CUL2: variants seen among roughly 807,000 people sequenced by gnomAD.
CUL2 encodes cullin-2.
Under a neutral mutation model 110.2 loss-of-function variants are expected in CUL2, and 22 were observed. The ratio of observed to expected loss-of-function variants is 0.20; its 90% CI spans 0.14 to 0.28. CUL2 has a LOEUF of 0.28. CUL2 is among the 10% of genes least tolerant of loss of function. The pLI is 1.00. For missense variants in CUL2, 631 were observed against 905.5 expected (o/e 0.70, Z 3.89); for synonymous variants, 279 against 293.2 (o/e 0.95, Z 0.49).
intron 17 of CUL2, among the ~76,000 whole-genome samples, chr10:35,022,906 G>C (rs966844572): frequency 1.3e-4 from 20 of 152,110 alleles, no homozygotes; most frequent in African/African-American, 4.6e-4. Context: ...TTAGCTGGGA[G>C]TGGTAGTGTG....
At chr10:35,095,137 T>C (rs894211704), upstream of CUL2, among the ~76,000 whole-genome samples, 2 of 152,022 alleles carry the variant, frequency 1.3e-5, no homozygotes, top group Middle Eastern at 3.4e-3. Flanking sequence ...GCCTGGCCAA[T>C]ATGGTAAAAC....
chr10:35,098,741 G>A (rs1007025678), intron 2 of CUL2, among the ~76,000 whole-genome samples: 2 of 151,708 alleles, frequency 1.3e-5, no homozygotes, highest in African/African-American at 4.8e-5. Context: ...GACCAACCTG[G>A]CCAACATGGC....
intron 14 of CUL2, among the ~76,000 whole-genome samples, chr10:35,030,629 T>C (rs536874013): frequency 1.3e-4 from 20 of 152,294 alleles, no homozygotes; most frequent in African/African-American, 4.8e-4. Context: ...ACAATCTACA[T>C]GCCTTGGCCT....
intron 1 of CUL2, among the ~76,000 whole-genome samples, chr10:35,072,368 T>G (rs1283997941): frequency 6.8e-6 from 1 of 147,646 alleles, no homozygotes; most frequent in African/African-American, 2.5e-5. Flanking sequence ...GTGAACTTAA[T>G]GGGCTTTTTT....
At chr10:35,090,681 T>G (rs2087189668), upstream of CUL2, 1 of 152,318 alleles carries the variant, frequency 6.6e-6, no homozygotes, top group South Asian at 2.1e-4. Flanking sequence ...GGAGCCAAGC[T>G]TCGTGTGATT....
intron 5 of CUL2, among the ~76,000 whole-genome samples, chr10:35,052,476 G>C (rs868444755): frequency 6.6e-6 from 1 of 152,090 alleles, no homozygotes; most frequent in Admixed American, 6.5e-5. Context: ...AACTCCATGA[G>C]CATAAGATTT....
chr10:35,061,094 C>T lies in CUL2; in HGVS notation c.223-126G>A. The T allele has an allele frequency of 2.9e-6, 3 of 1,021,528 alleles. No homozygotes were observed. In the South Asian group the frequency reaches 5.1e-5, roughly 18 times the overall value. 63.3% of individuals were successfully genotyped at this position (1,021,528 alleles called of 1,614,324 possible). A position where few individuals can be genotyped will look rare whatever the true frequency, so the allele number is the denominator to read the frequency against. On this transcript the variant is annotated intron_variant, in intron 3 of 20. Coordinates refer to ENST00000374749, the MANE Select transcript of CUL2 (RefSeq NM_003591.4). Reference sequence around the variant, plus strand: ...ATTCTAGCTGTACAAATTACATTTACACAACACATATTAACTACACGTATT... The same window carrying T: ...ATTCTAGCTGTACAAATTACATTTATACAACACATATTAACTACACGTATT...
chr10:35,122,147 A>G (rs1314643082), intron 1 of CUL2, among the ~76,000 whole-genome samples: 1 of 152,212 alleles, frequency 6.6e-6, no homozygotes, highest in Non-Finnish European at 1.5e-5. Context: ...ATATATTTAA[A>G]TTGGGCACAC....
At chr10:35,084,544 A>C (rs1043805474) in intron 1 of CUL2, among the ~76,000 whole-genome samples, 1 of 152,224 alleles carries the variant, frequency 6.6e-6, no homozygotes, top group Non-Finnish European at 1.5e-5. Context: ...AAATCTATAC[A>C]TTCTTAAAGG....
intron 5 of CUL2, 123 bp from the exon 6 acceptor site, chr10:35,049,888 C>A: frequency 3.5e-6 from 2 of 578,640 alleles, no homozygotes; most frequent in South Asian, 3.0e-5. Context: ...CTTCAAAATT[C>A]AAATAAAACC....
At chr10:35,051,437 T>A (rs112934719) in intron 5 of CUL2, among the ~76,000 whole-genome samples, 4,508 of 143,724 alleles carry the variant, frequency 0.031, 222 homozygotes, top group African/African-American at 0.11. Context: ...CATAGTGAAA[T>A]CCCGTCTCTA....
At position 35,044,807 on chromosome 10, in the gene CUL2, G is replaced by C. The variant is rs2085892928; in HGVS notation, c.568C>G (p.His190Asp). The C allele has an allele frequency of 6.2e-7, 1 of 1,613,248 alleles. No individual in the cohort carries two copies. The highest frequency in any genetic ancestry group is 8.5e-7 in the Non-Finnish European group (1 of 1,179,620). The change falls in exon 7 of 21, where the codon CAT becomes GAT. Residue 190 changes from histidine (H) to aspartate (D), a missense_variant. By Grantham distance (81) the His-to-Asp change is moderately conservative. Coordinates refer to ENST00000374749, the MANE Select transcript of CUL2 (RefSeq NM_003591.4). ...AATTTTTTCTTATACTGTTCAACAT[G>C]AACAAAGGAGTTAATAACCCCATGG... ...VIHGVINSFV[H>D]VEQYKKKFPL...
intron 17 of CUL2, among the ~76,000 whole-genome samples, chr10:35,019,173 C>A (rs1463461146): frequency 1.3e-5 from 2 of 152,146 alleles, no homozygotes; most frequent in Non-Finnish European, 2.9e-5. Context: ...GAGAATTATG[C>A]ATCAAGCACC....
At chr10:35,047,423 A>C (rs894174254) in intron 6 of CUL2, among the ~76,000 whole-genome samples, 12 of 151,796 alleles carry the variant, frequency 7.9e-5, no homozygotes, top group Admixed American at 2.0e-4. Context: ...ATCCTGGCTA[A>C]AACGGTGAAA....
intron 19 of CUL2, among the ~76,000 whole-genome samples, chr10:35,013,119 T>C (rs1002552700): frequency 1.5e-4 from 23 of 152,158 alleles, no homozygotes; most frequent in African/African-American, 5.5e-4. Flanking sequence ...GGCGGGCGGA[T>C]CACGATGTCA....
intron 5 of CUL2, among the ~76,000 whole-genome samples, chr10:35,050,993 C>T (rs2086089422): frequency 6.6e-6 from 1 of 152,236 alleles, no homozygotes; most frequent in Admixed American, 6.5e-5. Flanking sequence ...AGGCTTTAGT[C>T]AAATTTTGCC....
chr10:35,027,626 T>A (rs913794637), intron 16 of CUL2, among the ~76,000 whole-genome samples: 3 of 152,198 alleles, frequency 2.0e-5, no homozygotes, highest in Non-Finnish European at 4.4e-5. Context: ...AAGATTAAGA[T>A]GTAAAAAATG....
chr10:35,047,687 A>G (rs1041905613), intron 6 of CUL2, among the ~76,000 whole-genome samples: 3 of 148,112 alleles, frequency 2.0e-5, no homozygotes, highest in Admixed American at 2.0e-4. Flanking sequence ...GGAGGCCGAG[A>G]AAGTTGGATC....
rs957722848 is a variant in CUL2 at position 35,103,886 on chromosome 10, C to T, written c.-50-2826G>A. Among the ~76,000 whole-genome samples the T allele has an allele frequency of 4.0e-5, 6 of 151,700 alleles. No individual in the cohort carries two copies. The East Asian group carries it at 9.7e-4, about 24-fold the overall frequency. On this transcript the variant is annotated intron_variant, in intron 1 of 5. Transcript: ENST00000685421. The stretch of plus-strand genomic sequence containing the variant: ...TCTAAAGGTTTACAATAAAATGTAA[C>T]CTCTCCAAGGGATAGATCTTGGAAT...
Sources: allele counts gnomAD v4.1 joint callset (sites outside exome capture counted in the v4.1 genomes callset), GRCh38; gene constraint gnomAD v4.1.1; transcripts MANE v1.5; gene names NCBI Gene and HGNC (gene_info 2026-07-23, HGNC 2026-07-21).